The following TLR1 variants were observed in gnomAD, a reference collection of about 807,000 sequenced individuals.
The protein encoded by TLR1 is toll like receptor 1.
A neutral mutation model predicts 20.2 loss-of-function variants in TLR1; 19 were observed. The observed-to-expected ratio is 0.94, with a 90% CI of 0.66 to 1.38. TLR1 has a LOEUF of 1.38. TLR1 is among the 40% of genes most tolerant of loss of function. The pLI is 0.00. For missense variants in TLR1, 921 were observed against 910.0 expected, an observed-to-expected ratio of 1.01 and a Z score of -0.16; for synonymous variants, 320 against 334.5, an observed-to-expected ratio of 0.96 and a Z score of 0.47.
Position 38,796,796 on chromosome 4 carries a change from A to G in TLR1, c.2036T>C (p.Ile679Thr), listed in dbSNP as rs56205407. Reference protein sequence around the residue: ...HERNFVPGKSIVENIITCIEK... With the variant: ...HERNFVPGKSTVENIITCIEK... ...AATGCAGGTGATGATATTTTCCACA[A>G]TGCTCTTGCCAGGAACAAAGTTTCT... is the stretch of plus-strand genomic sequence containing the variant. Residue 679 changes from isoleucine to threonine, a missense_variant, in exon 4 of 4, where the codon ATT (isoleucine) becomes ACT (threonine). Ile to Thr is a moderately conservative substitution (Grantham distance 89, BLOSUM62 -1). Transcript: ENST00000308979. 6.4e-4 allele frequency: 1,029 copies of G among 1,614,210 alleles called. 15 individuals carry two copies. The South Asian group carries it at 0.01, about 16-fold the overall frequency.
exon 4 of TLR1, chr4:38,791,059 T>C (rs944629356): frequency 1.3e-5 from 2 of 152,222 alleles, no homozygotes; most frequent in African/African-American, 4.8e-5. Context: ...AAGAAGCAAC[T>C]GTGTCCTAGT....
chr4:38,788,605 A>C (rs1725654196), downstream of TLR1, among the ~76,000 whole-genome samples: 1 of 152,242 alleles, frequency 6.6e-6, no homozygotes, highest in African/African-American at 2.4e-5. Flanking sequence ...TGCTAGAGCC[A>C]GCTTATACCA....
At chr4:38,788,283 A>G (rs760210951), downstream of TLR1, among the ~76,000 whole-genome samples, 2 of 152,224 alleles carry the variant, frequency 1.3e-5, no homozygotes, top group Non-Finnish European at 2.9e-5. Flanking sequence ...AGGAAGGGAG[A>G]AAATAAAATA....
In TLR1 at chr4:38,798,480, G is replaced by C. The variant is rs5743612; in HGVS notation, c.352C>G (p.His118Asp). The change falls in exon 4 of 4, where the codon CAC becomes GAC. Residue 118 changes from histidine (H) to aspartate (D), a missense_variant. Physicochemically the swap from His to Asp is moderately conservative, Grantham distance 81 (BLOSUM62 -1). Transcript: ENST00000308979. ...AATGCATTAAATGACAGGTCCAAGT[G>C]CTTGAGGTTCACAGTAGGGTGGCAA... ...ISCHPTVNLK[H>D]LDLSFNAFDA... 2.5e-6 allele frequency: 4 copies of C among 1,614,084 alleles called. No individual in the cohort carries two copies. The highest frequency in any genetic ancestry group is 3.4e-6 in the Non-Finnish European group (4 of 1,180,022).
At position 38,796,396 on chromosome 4, in the gene TLR1, C is replaced by A; in HGVS notation, c.*75G>T. 6.6e-7 allele frequency: 1 copy of A among 1,506,390 alleles called. No individual in the cohort carries two copies. The highest frequency in any genetic ancestry group is 1.3e-5 in the South Asian group (1 of 78,608). 93.3% of individuals were successfully genotyped at this position (1,506,390 alleles called of 1,614,324 possible). Reference sequence around the variant, plus strand: ...AATTGTGTTTACATCTATGCTGATGCAAAATAAAGTCATTGTTGGAACTTC... The same window carrying A: ...AATTGTGTTTACATCTATGCTGATGAAAAATAAAGTCATTGTTGGAACTTC... On this transcript the variant is annotated 3_prime_UTR_variant, in exon 4 of 4. Transcript: ENST00000308979.
At chr4:38,803,718 A>G (rs1216246012) in intron 2 of TLR1, among the ~76,000 whole-genome samples, 4 of 152,244 alleles carry the variant, frequency 2.6e-5, no homozygotes, top group African/African-American at 9.6e-5. Flanking sequence ...CAACGTCTTA[A>G]TGACCATGAC....
At chr4:38,791,494 A>T (rs183260324), downstream of TLR1, among the ~76,000 whole-genome samples, 412 of 152,184 alleles carry the variant, frequency 2.7e-3, 2 homozygotes, top group African/African-American at 9.4e-3. Context: ...CTAACAGTTT[A>T]CTTCCCAATT....
rs5743589 is a variant in TLR1, at chr4:38,801,720, G to A, written c.-159-772C>T. On this transcript the variant is annotated intron_variant, in intron 2 of 3. Coordinates refer to ENST00000308979, the MANE Select transcript of TLR1 (RefSeq NM_003263.4). ...GCTTGGCTCGCAGAACCTACCACAC[G>A]CAAGATGAAAGTTGTCCTTTTTCCC... Among the ~76,000 whole-genome samples, 1,075 of 152,260 alleles carry A rather than the reference G, an allele frequency of 7.1e-3. 15 individuals carry two copies. The highest frequency in any genetic ancestry group is 0.024 in the African/African-American group (992 of 41,552).
chr4:38,787,872 C>T (rs547514054), downstream of TLR1, among the ~76,000 whole-genome samples: 4 of 152,266 alleles, frequency 2.6e-5, no homozygotes, highest in South Asian at 8.3e-4. Context: ...AATGCACCCA[C>T]GAAACTTTCC....
chr4:38,796,501 A>G lies in TLR1; in HGVS notation c.2331T>C (p.Asn777=). Residue 777 remains asparagine, a synonymous_variant, in exon 4 of 4, where the codon AAT becomes AAC. Transcript: ENST00000308979. ...LFWANLRAAI[N]IKLTEQAKK ...TCTTTGCTTGCTCTGTCAGCTTAAT[A>G]TTAATGGCTGCCCTTAAGTTAGCCC... The G allele has an allele frequency of 6.2e-7, 1 of 1,612,834 alleles. No individual in the cohort carries two copies. Among genetic ancestry groups the G allele is most frequent in the Non-Finnish European group, 8.5e-7 (1 of 1,178,864 alleles).
rs1242918939 is a variant in TLR1 at position 38,796,340 on chromosome 4, G to A, written c.*131C>T. ...ATAAATGGTGAACTGCGACCCGAAG[G>A]TATATATTTTTACCTACATCATACA... On this transcript the variant is annotated 3_prime_UTR_variant, in exon 4 of 4. Coordinates refer to ENST00000308979, the MANE Select transcript of TLR1 (RefSeq NM_003263.4). 1 of 969,932 alleles carries A rather than the reference G, an allele frequency of 1.0e-6. No homozygotes were observed. The highest frequency in any genetic ancestry group is 1.8e-5 in the South Asian group (1 of 56,372). 60.1% of individuals were successfully genotyped at this position (969,932 alleles called of 1,614,324 possible).
chr4:38,798,689 G>A lies in TLR1; in HGVS notation c.143C>T (p.Thr48Ile). Residue 48 changes from threonine (T) to isoleucine (I), a missense_variant, in exon 4 of 4, where the codon ACA (threonine) becomes ATA (isoleucine). By Grantham distance (89) the Thr-to-Ile change is moderately conservative (BLOSUM62 -1). Transcript: ENST00000308979. ...ATAATTTTGCGATATATTTAAGATT[G>A]TTGTTTTCTGGGATAGGTCTTTAGG... ...HVPKDLSQKT[T>I]ILNISQNYIS... The A allele has an allele frequency of 1.2e-6, 2 of 1,613,998 alleles. No homozygotes were observed. The highest frequency in any genetic ancestry group is 1.7e-5 in the Admixed American group (1 of 60,016).
In TLR1 at chr4:38,798,592, T is replaced by A; in HGVS notation, c.240A>T (p.Arg80Ser). Residue 80 changes from arginine (R) to serine (S), a missense_variant, in exon 4 of 4, where the codon AGA becomes AGT. By Grantham distance (110) the Arg-to-Ser change is moderately radical (BLOSUM62 -1). Transcript: ENST00000308979. Reference sequence around the variant, plus strand: ...AAACACTGATATCAAGATACTGGATTCTATTATGAGAAATTATCAAAATCC... The same window carrying A: ...AAACACTGATATCAAGATACTGGATACTATTATGAGAAATTATCAAAATCC... The part of the protein sequence containing the change: ...KLRILIISHN[R>S]IQYLDISVFK... 6.2e-7 allele frequency: 1 copy of A among 1,614,090 alleles called. No homozygotes were observed.
At chr4:38,802,387 CT>C (rs995702715) in intron 2 of TLR1, among the ~76,000 whole-genome samples, 5 of 152,280 alleles carry the variant, frequency 3.3e-5, no homozygotes, top group Admixed American at 2.6e-4. Context: ...AAATGGCGGA[CT>C]TCAACGGGTA....
chr4:38,788,935 G>GT (rs1287612464), downstream of TLR1, among the ~76,000 whole-genome samples: 1 of 152,164 alleles, frequency 6.6e-6, no homozygotes, highest in Non-Finnish European at 1.5e-5. Flanking sequence ...GAGCTGAGGA[G>GT]TTTGATGTTA....
chr4:38,799,693 T>C (rs1227091944), intron 3 of TLR1, among the ~76,000 whole-genome samples: 2 of 152,218 alleles, frequency 1.3e-5, no homozygotes, highest in Admixed American at 6.5e-5. Flanking sequence ...TCAAGAGGTG[T>C]TCCTAATGGT....
rs1377182433 is a variant in TLR1 at position 38,798,261 on chromosome 4, T to A, written c.571A>T (p.Ser191Cys). 1 of 1,612,810 alleles carries A rather than the reference T, an allele frequency of 6.2e-7. No homozygotes were observed. The highest frequency in any genetic ancestry group is 1.7e-5 in the Admixed American group (1 of 59,920). ...PEGLQDFNTESLHIVFPTNKE... is the reference protein window; with the variant it reads ...PEGLQDFNTECLHIVFPTNKE... ...TTTGTGGGGAACACAATGTGCAGAC[T>A]CTCAGTGTTAAAGTCTTGAAGGCCC... Residue 191 changes from serine (S) to cysteine (C), a missense_variant, in exon 4 of 4, where the codon AGT becomes TGT. Physicochemically the swap from Ser to Cys is moderately radical, Grantham distance 112 (BLOSUM62 -1). Transcript: ENST00000308979.
In TLR1 at chr4:38,798,875, A is replaced by G. The variant is rs531325688; in HGVS notation, c.-44T>C. 7.2e-7 allele frequency: 1 copy of G among 1,386,066 alleles called. No homozygotes were observed. The highest frequency in any genetic ancestry group is 2.3e-5 in the East Asian group (1 of 43,208). The allele number at this position is 1,386,066 out of a possible 1,614,324, so 85.9% of individuals were successfully genotyped here. ...CCTAAAGGTAGAAGCTGTTCTTCAGATCATCTTGATACAGATACAGATTCT... is the reference window on the plus strand; with the variant it reads ...CCTAAAGGTAGAAGCTGTTCTTCAGGTCATCTTGATACAGATACAGATTCT... On this transcript the variant is annotated 5_prime_UTR_variant, in exon 4 of 4. Transcript: ENST00000308979.
downstream of TLR1, chr4:38,794,690 C>G (rs1386262401): frequency 6.7e-6 from 1 of 148,536 alleles, no homozygotes; most frequent in Non-Finnish European, 1.5e-5. Context: ...TCAATTTAAG[C>G]AACCTCTGAA....
Sources: gnomAD v4.1 joint callset for allele counts (sites outside exome capture counted in the v4.1 genomes callset) on GRCh38, gnomAD v4.1.1 for gene constraint, MANE v1.5 for transcripts, NCBI Gene and HGNC (gene_info 2026-07-23, HGNC 2026-07-21) for gene names.